The following ELMO1 variants were observed in gnomAD, a reference collection of about 807,000 sequenced individuals.
The protein encoded by ELMO1 is engulfment and cell motility 1, also known as engulfment and cell motility protein 1.
A neutral mutation model predicts 98.9 loss-of-function variants in ELMO1; 26 were observed. The ratio of observed to expected loss-of-function variants is 0.26; its 90% CI spans 0.19 to 0.36. The LOEUF (loss-of-function observed/expected upper bound fraction) is 0.36, where lower values mean the gene tolerates loss of function less well. Ranked by LOEUF, ELMO1 falls within the 10% of genes least tolerant of loss-of-function variation. ELMO1 has a pLI of 1.00. For synonymous variants in ELMO1, 346 were observed against 346.0 expected, an observed-to-expected ratio of 1.00 and a Z score of 0.00; for missense variants, 627 against 935.2, an observed-to-expected ratio of 0.67 and a Z score of 4.30.
chr7:37,015,566 A>C (rs904164955), intron 15 of ELMO1, among the ~76,000 whole-genome samples: 1 of 152,122 alleles, frequency 6.6e-6, no homozygotes, highest in African/African-American at 2.4e-5. Flanking sequence ...ACACCACCGC[A>C]CTCCAGCCTG....
At chr7:37,315,883 A>G in intron 3 of ELMO1, 37 bp downstream of exon 3, 7 of 1,538,996 alleles carry the variant, frequency 4.5e-6, no homozygotes, top group Non-Finnish European at 6.2e-6. Flanking sequence ...CAATTTATCA[A>G]CTAGAATGCC....
chr7:37,343,874 C>A (rs1289970095), intron 1 of ELMO1, among the ~76,000 whole-genome samples: 2 of 152,020 alleles, frequency 1.3e-5, no homozygotes, highest in Non-Finnish European at 2.9e-5. Context: ...TGTAGAGTCT[C>A]TTCTCCCAGT....
chr7:36,973,910 T>C (rs1256743484), intron 16 of ELMO1, among the ~76,000 whole-genome samples: 1 of 152,088 alleles, frequency 6.6e-6, no homozygotes, highest in Non-Finnish European at 1.5e-5. Flanking sequence ...GTGTACTGGG[T>C]CCCCCAGCAG....
At chr7:37,203,544 C>T (rs1792418747) in intron 13 of ELMO1, among the ~76,000 whole-genome samples, 1 of 152,168 alleles carries the variant, frequency 6.6e-6, no homozygotes, top group African/African-American at 2.4e-5. Context: ...GCAAAAATTA[C>T]ATCTTTCTGA....
chr7:37,398,520 T>G (rs562993269), intron 1 of ELMO1, among the ~76,000 whole-genome samples: 4 of 152,332 alleles, frequency 2.6e-5, no homozygotes, highest in Admixed American at 2.0e-4. Context: ...TTTCCAGGAT[T>G]GTATTTACTT....
chr7:37,314,818 G>A, intron 4 of ELMO1, 32 bp downstream of exon 4: 2 of 1,583,792 alleles, frequency 1.3e-6, no homozygotes, highest in Non-Finnish European at 1.7e-6. Context: ...CCTTCAATAT[G>A]TATCCCATAT....
chr7:37,022,521 C>A (rs1181440607), intron 15 of ELMO1, among the ~76,000 whole-genome samples: 1 of 152,088 alleles, frequency 6.6e-6, no homozygotes, highest in African/African-American at 2.4e-5. Flanking sequence ...CAGCTTTAAA[C>A]AACAATGAGC....
chr7:36,889,858 C>A (rs1298951446), intron 17 of ELMO1, among the ~76,000 whole-genome samples: 1 of 152,158 alleles, frequency 6.6e-6, no homozygotes, highest in African/African-American at 2.4e-5. Context: ...AAAACATGAC[C>A]AGGCAATGAA....
intron 2 of ELMO1, among the ~76,000 whole-genome samples, chr7:37,335,943 C>T (rs74641153): frequency 0.021 from 3,168 of 152,228 alleles, 55 homozygotes; most frequent in Non-Finnish European, 0.032. Flanking sequence ...CGCATCTAGG[C>T]AGGGCACTGT....
intron 4 of ELMO1, among the ~76,000 whole-genome samples, chr7:37,311,277 C>T (rs1252375006): frequency 6.6e-6 from 1 of 151,798 alleles, no homozygotes; most frequent in Non-Finnish European, 1.5e-5. Flanking sequence ...AAGAGAATCA[C>T]AAGCATCCAT....
In ELMO1 at chr7:37,447,714, C is replaced by CCACCCACACACACA. The variant is rs1323474343; in HGVS notation, c.-74+960_-74+961insTGTGTGTGTGGGTG. On this transcript the variant is annotated intron_variant, in intron 1 of 21. Transcript: ENST00000310758. ...ACATACATACGCGCGCGCGCACACA[C>CCACCCACACACACA]CACACACACACACACACACACACAC... 9.1e-5 allele frequency among the ~76,000 whole-genome samples: 12 copies of CCACCCACACACACA among 132,136 alleles called. 1 individual carries two copies. The highest frequency in any genetic ancestry group is 2.8e-4 in the African/African-American group (9 of 32,444). 86.7% of individuals were successfully genotyped at this position (132,136 alleles called of 152,430 possible).
chr7:37,276,882 G>T (rs2723952), intron 4 of ELMO1, among the ~76,000 whole-genome samples: 62,742 of 151,972 alleles, frequency 0.41, 13,530 homozygotes, highest in Middle Eastern at 0.54. Flanking sequence ...ATCCTATTCA[G>T]TCCTCAGTCT....
At chr7:37,365,625 G>T (rs74382971) in intron 1 of ELMO1, among the ~76,000 whole-genome samples, 12,246 of 152,228 alleles carry the variant, frequency 0.08, 617 homozygotes, top group Middle Eastern at 0.12. Flanking sequence ...CCAGGGTGAA[G>T]ACAACACAGG....
intron 1 of ELMO1, among the ~76,000 whole-genome samples, chr7:37,413,666 C>G (rs186609890): frequency 1.3e-5 from 2 of 152,248 alleles, no homozygotes; most frequent in East Asian, 3.9e-4. Flanking sequence ...CACCCTTCAG[C>G]ACTTTCCTTT....
Position 37,346,943 on chromosome 7 carries a change from G to C in ELMO1, c.-73-4180C>G, listed in dbSNP as rs1365698437. ...AATACAATAACGTGGCTCCAGTGGA[G>C]AGTCAGAGGGGAGCTGTACACAAAG... On this transcript the variant is annotated intron_variant, in intron 1 of 21. Transcript: ENST00000310758. 5.3e-5 allele frequency among the ~76,000 whole-genome samples: 8 copies of C among 152,212 alleles called. No homozygotes were observed. In the East Asian group the frequency reaches 1.3e-3, roughly 26 times the overall value.
chr7:37,292,421 G>T (rs1311705093), intron 4 of ELMO1, among the ~76,000 whole-genome samples: 2 of 62,974 alleles, frequency 3.2e-5, no homozygotes, highest in Non-Finnish European at 1.0e-4. Context: ...CATCTGCGAT[G>T]TGAGGAGCCC....
chr7:37,374,665 C>G (rs1287493974), intron 1 of ELMO1, among the ~76,000 whole-genome samples: 2 of 151,450 alleles, frequency 1.3e-5, no homozygotes, highest in Non-Finnish European at 2.9e-5. Context: ...GCAGGAGAAT[C>G]ACTTGAACCC....
intron 13 of ELMO1, among the ~76,000 whole-genome samples, chr7:37,142,049 G>A (rs557514003): frequency 3.6e-4 from 55 of 152,276 alleles, no homozygotes; most frequent in Non-Finnish European, 6.6e-4. Context: ...TTATTCCAAT[G>A]TTGGAAAGTT....
intron 19 of ELMO1, among the ~76,000 whole-genome samples, chr7:36,876,798 A>G (rs1485272402): frequency 6.6e-6 from 1 of 152,210 alleles, no homozygotes; most frequent in Non-Finnish European, 1.5e-5. Flanking sequence ...AGGGAGGCAT[A>G]GACAATGTCC....
Sources: allele counts gnomAD v4.1 joint callset (sites outside exome capture counted in the v4.1 genomes callset), GRCh38; gene constraint gnomAD v4.1.1; transcripts MANE v1.5; gene names NCBI Gene and HGNC (gene_info 2026-07-23, HGNC 2026-07-21).